The following NETO1 variants were observed in gnomAD, a reference collection of about 807,000 sequenced individuals.
NETO1 encodes neuropilin and tolloid-like protein 1.
Under a neutral mutation model 61.3 loss-of-function variants are expected in NETO1, and 26 were observed. The ratio of observed to expected loss-of-function variants is 0.42; its 90% CI spans 0.31 to 0.59. The LOEUF (loss-of-function observed/expected upper bound fraction) is 0.59, where lower values mean the gene tolerates loss of function less well. NETO1 is among the 20% of genes least tolerant of loss of function. The pLI, the probability that NETO1 is intolerant of heterozygous loss-of-function variation, is 0.12. For synonymous variants in NETO1, 225 were observed against 225.8 expected, an observed-to-expected ratio of 1.00 and a Z score of 0.03; for missense variants, 531 against 662.8, an observed-to-expected ratio of 0.80 and a Z score of 2.18.
chr18:72,813,621 TAACTA>T (rs1263598812), intron 4 of NETO1, among the ~76,000 whole-genome samples: 1 of 151,830 alleles, frequency 6.6e-6, no homozygotes, highest in African/African-American at 2.4e-5. Flanking sequence ...TTTTGAAAAA[TAACTA>T]AATAAATGTA....
intron 4 of NETO1, among the ~76,000 whole-genome samples, chr18:72,820,458 C>G (rs534645945): frequency 3.9e-5 from 6 of 152,340 alleles, no homozygotes; most frequent in African/African-American, 1.4e-4. Context: ...CTTCCCTTCT[C>G]CACTCCACCC....
In NETO1 at chr18:72,744,172, G is replaced by A. The variant is rs927891074; in HGVS notation, c.*4007C>T. On this transcript the variant is annotated 3_prime_UTR_variant, in exon 11 of 11. Transcript: ENST00000327305. The stretch of plus-strand genomic sequence containing the variant: ...GAATCAGAGGCTACAAGAAAATGAT[G>A]AGTTGATATGAGTGTCTGACATCAG... 1 of 152,076 alleles carries A rather than the reference G, an allele frequency of 6.6e-6. No homozygotes were observed. Among genetic ancestry groups the A allele is most frequent in the Non-Finnish European group, 1.5e-5 (1 of 68,000 alleles). The allele number at this position is 152,076 out of a possible 1,614,324, so 9.4% of individuals were successfully genotyped here.
chr18:72,867,243 C>T, intron 1 of NETO1, 21 bp downstream of exon 1: 1 of 1,536,528 alleles, frequency 6.5e-7, no homozygotes, highest in African/African-American at 1.4e-5. Flanking sequence ...AGCGCACGGG[C>T]GCGGCGGGGA....
intron 4 of NETO1, among the ~76,000 whole-genome samples, chr18:72,847,310 G>A (rs768727942): frequency 2.6e-5 from 4 of 152,202 alleles, no homozygotes; most frequent in Non-Finnish European, 4.4e-5. Context: ...GAAGTGAGGT[G>A]TCTGAAGGTA....
intron 6 of NETO1, among the ~76,000 whole-genome samples, chr18:72,793,302 T>C (rs1207402411): frequency 6.6e-6 from 1 of 152,068 alleles, no homozygotes; most frequent in Admixed American, 6.6e-5. Flanking sequence ...ACAAATAACA[T>C]CTTAGACCTG....
intron 4 of NETO1, among the ~76,000 whole-genome samples, chr18:72,849,912 G>C (rs1381080178): frequency 6.6e-6 from 1 of 152,220 alleles, no homozygotes; most frequent in African/African-American, 2.4e-5. Context: ...CACAATAGCA[G>C]CTGGAGTGTT....
intron 6 of NETO1, among the ~76,000 whole-genome samples, chr18:72,785,960 T>C (rs997337348): frequency 1.3e-5 from 2 of 152,182 alleles, no homozygotes; most frequent in African/African-American, 2.4e-5. Flanking sequence ...GCCATAGTTA[T>C]AGGTTATATG....
chr18:72,767,107 C>A (rs1358498359), intron 7 of NETO1, among the ~76,000 whole-genome samples: 1 of 152,170 alleles, frequency 6.6e-6, no homozygotes, highest in Non-Finnish European at 1.5e-5. Flanking sequence ...TACTTGCTCT[C>A]ATTGAACATG....
chr18:72,759,721 A>G (rs2070908007), intron 7 of NETO1, among the ~76,000 whole-genome samples: 1 of 152,150 alleles, frequency 6.6e-6, no homozygotes, highest in African/African-American at 2.4e-5. Flanking sequence ...TTCTTTCACT[A>G]TTTCTGACAA....
chr18:72,799,201 C>T (rs2072420010), intron 4 of NETO1, among the ~76,000 whole-genome samples: 1 of 152,162 alleles, frequency 6.6e-6, no homozygotes, highest in Non-Finnish European at 1.5e-5. Flanking sequence ...CAGCTACTTT[C>T]AGCTAGCACC....
chr18:72,783,576 C>T (rs1222193426), intron 7 of NETO1, 102 bp downstream of exon 7: 17 of 909,998 alleles, frequency 1.9e-5, no homozygotes, highest in Non-Finnish European at 3.0e-5. Context: ...TAGAGAATAG[C>T]CTGCTGTGCT....
intron 3 of NETO1, among the ~76,000 whole-genome samples, chr18:72,862,362 G>A (rs567191900): frequency 4.6e-5 from 7 of 152,202 alleles, no homozygotes; most frequent in African/African-American, 1.4e-4. Context: ...TATTTATGAC[G>A]TACATATATA....
chr18:72,867,194 G>T (rs890616122), intron 1 of NETO1, 70 bp downstream of exon 1: 3 of 1,241,110 alleles, frequency 2.4e-6, no homozygotes, highest in Admixed American at 2.5e-5. Flanking sequence ...TTTCCTGCGC[G>T]TTCGGCCCCG....
chr18:72,742,323 GAAAGT>G (rs2070357418), downstream of NETO1: 1 of 152,154 alleles, frequency 6.6e-6, no homozygotes, highest in Non-Finnish European at 1.5e-5. Flanking sequence ...ATTGGATTTG[GAAAGT>G]CATATATTTT....
At chr18:72,779,498 A>G (rs2071667840) in intron 7 of NETO1, among the ~76,000 whole-genome samples, 1 of 152,074 alleles carries the variant, frequency 6.6e-6, no homozygotes, top group Admixed American at 6.6e-5. Flanking sequence ...AAACTCCCTA[A>G]ACAAAGTATC....
chr18:72,751,705 C>T (rs575685633), intron 8 of NETO1, among the ~76,000 whole-genome samples: 1 of 152,284 alleles, frequency 6.6e-6, no homozygotes, highest in South Asian at 2.1e-4. Context: ...GTTGACAACA[C>T]CACATGTTAG....
chr18:72,845,037 A>C (rs1369050377), intron 4 of NETO1, among the ~76,000 whole-genome samples: 1 of 152,208 alleles, frequency 6.6e-6, no homozygotes, highest in Non-Finnish European at 1.5e-5. Context: ...GTATAAACAC[A>C]CTGTAAGCTC....
At chr18:72,858,643 T>C (rs956877422) in intron 4 of NETO1, among the ~76,000 whole-genome samples, 183 bp downstream of exon 4, 4 of 152,186 alleles carry the variant, frequency 2.6e-5, no homozygotes, top group Non-Finnish European at 5.9e-5. Context: ...TAGGCTGTTT[T>C]AAGGAAAACA....
chr18:72,823,550 G>T (rs1426424079), intron 4 of NETO1, among the ~76,000 whole-genome samples: 3 of 152,068 alleles, frequency 2.0e-5, no homozygotes, highest in Non-Finnish European at 4.4e-5. Flanking sequence ...AGTGAACCCC[G>T]AGTGGCCGCG....
Sources: allele counts gnomAD v4.1 joint callset (sites outside exome capture counted in the v4.1 genomes callset), GRCh38; gene constraint gnomAD v4.1.1; transcripts MANE v1.5; gene names NCBI Gene and HGNC (gene_info 2026-07-23, HGNC 2026-07-21).